The following MCF2L variants were observed in gnomAD, a reference collection of about 807,000 sequenced individuals.
MCF2L encodes the protein MCF.2 cell line derived transforming sequence like.
A neutral mutation model predicts 153.4 loss-of-function variants in MCF2L; 97 were observed. The ratio of observed to expected loss-of-function variants is 0.63; its 90% CI spans 0.54 to 0.75. The LOEUF is 0.75. Among genes scored for constraint, MCF2L ranks in the 30% least tolerant of loss-of-function variants. The probability of loss-of-function intolerance (pLI) is 0.00; values close to 1 mark genes in which losing one functional copy is unlikely to be tolerated. For synonymous variants in MCF2L, 659 were observed against 632.2 expected (o/e 1.04, Z -0.64); for missense variants, 1,347 against 1,495.2 (o/e 0.90, Z 1.64).
At position 113,087,282 on chromosome 13, in the gene MCF2L, C is replaced by T. The variant is rs1400636175; in HGVS notation, c.2421C>T (p.Ser807=). 4 of 1,612,956 alleles carry T rather than the reference C, an allele frequency of 2.5e-6. No individual in the cohort carries two copies. The highest frequency in any genetic ancestry group is 2.5e-6 in the Non-Finnish European group (3 of 1,180,026). The change falls in exon 22 of 30, where the codon AGC becomes AGT. Residue 807 remains serine (S), a synonymous_variant. Coordinates refer to ENST00000535094, the MANE Select transcript of MCF2L (RefSeq NM_001112732.3). ...AGCTGCTGATGCAGGGCTCGTTCAG[C>T]GTCTGGACCGACCACAAGAGGGGCC... ...LGKLLMQGSF[S]VWTDHKRGHT...
At position 112,960,312 on chromosome 13, in the gene MCF2L, G is replaced by A. The variant is rs917621574; in HGVS notation, c.170-54451G>A. Among the ~76,000 whole-genome samples the A allele has an allele frequency of 6.6e-6, 1 of 152,172 alleles. No individual in the cohort carries two copies. On this transcript the variant is annotated intron_variant, in intron 2 of 29. Coordinates refer to the MCF2L transcript ENST00000375608. The surrounding 1 kb of genome is among the most constrained non-coding windows in gnomAD (Gnocchi z 4.2). ...GGGGGCCAAGCGCGCTCTCACAACT[G>A]AAACAGCGCTCGTCCAGTCATGAGG...
Position 113,096,942 on chromosome 13 carries a change from A to T in MCF2L, c.*83A>T, listed in dbSNP as rs1259396312. On this transcript the variant is annotated 3_prime_UTR_variant, in exon 30 of 30. Transcript: ENST00000535094. ...GCGCGGCCCCCGGACGCCCCGAGGAAGGGGCACCTCACCGCCCCCACCCAG... is the reference window on the plus strand; with the variant it reads ...GCGCGGCCCCCGGACGCCCCGAGGATGGGGCACCTCACCGCCCCCACCCAG... 2.0e-6 allele frequency: 2 copies of T among 1,024,072 alleles called. No homozygotes were observed. The highest frequency in any genetic ancestry group is 1.7e-5 in the African/African-American group (1 of 58,754). 63.4% of individuals were successfully genotyped at this position (1,024,072 alleles called of 1,614,324 possible). A position where few individuals can be genotyped will look rare whatever the true frequency, so the allele number is the denominator to read the frequency against.
Position 113,024,203 on chromosome 13 carries a change from G to T in MCF2L, c.164-441G>T, listed in dbSNP as rs374658805. On this transcript the variant is annotated intron_variant, in intron 2 of 29. Coordinates refer to ENST00000535094, the MANE Select transcript of MCF2L (RefSeq NM_001112732.3). Reference sequence around the variant, plus strand: ...CGATACCCACAAACAGTACAGTTAGGCAGGTTATTAGTGCACATGCATATA... The same window carrying T: ...CGATACCCACAAACAGTACAGTTAGTCAGGTTATTAGTGCACATGCATATA... Among the ~76,000 whole-genome samples the T allele has an allele frequency of 1.5e-4, 23 of 152,314 alleles. No individual in the cohort carries two copies. In the East Asian group the frequency reaches 4.1e-3, roughly 27 times the overall value.
intron 2 of MCF2L, among the ~76,000 whole-genome samples, chr13:113,017,965 C>G (rs775236648): frequency 6.6e-6 from 1 of 152,246 alleles, no homozygotes; most frequent in African/African-American, 2.4e-5. Flanking sequence ...ACTTGCCCTG[C>G]TGATTTCCCC....
intron 1 of MCF2L, among the ~76,000 whole-genome samples, chr13:112,987,139 C>T (rs1344481243): frequency 6.6e-6 from 1 of 152,130 alleles, no homozygotes; most frequent in Non-Finnish European, 1.5e-5. Context: ...TGAAGCCATT[C>T]CTTCACCCGG....
chr13:112,987,170 C>T (rs56958668), intron 1 of MCF2L, among the ~76,000 whole-genome samples: 13,298 of 152,182 alleles, frequency 0.087, 615 homozygotes, highest in East Asian at 0.13. Flanking sequence ...GCAGACAGCA[C>T]GGGCCGCAGG....
rs1303829135 is a variant in MCF2L at position 113,099,695 on chromosome 13, C to T, written c.*2836C>T. ...ATAAAACTGACTAATTTATAGAAAA[C>T]CTAAGAAACTCCATATCAAATAAAA... On this transcript the variant is annotated 3_prime_UTR_variant, in exon 30 of 30. Transcript: ENST00000535094. The T allele has an allele frequency of 1.3e-5, 2 of 151,972 alleles. No homozygotes were observed. The highest frequency in any genetic ancestry group is 2.1e-4 in the South Asian group (1 of 4,812). 9.4% of individuals were successfully genotyped at this position (151,972 alleles called of 1,614,324 possible).
chr13:113,020,918 ATGTGTAG>A (rs1470503609), intron 2 of MCF2L, among the ~76,000 whole-genome samples: 1 of 149,432 alleles, frequency 6.7e-6, no homozygotes, highest in Non-Finnish European at 1.5e-5. Flanking sequence ...ATGTGTGTGT[ATGTGTAG>A]TGTGTATGCA....
Position 113,088,308 on chromosome 13 carries a change from G to A in MCF2L, c.2689-19G>A, listed in dbSNP as rs375996459. ...GGGGCCTGAGTACTCACCTCCTGGC[G>A]TTTCTTTTGGGGAAACAGGCGCCAA... On this transcript the variant is annotated intron_variant, in intron 23 of 29. Coordinates refer to ENST00000535094, the MANE Select transcript of MCF2L (RefSeq NM_001112732.3). 1.7e-5 allele frequency: 27 copies of A among 1,611,332 alleles called. No individual in the cohort carries two copies. The African/African-American group carries it at 2.1e-4, about 13-fold the overall frequency.
Position 112,943,315 on chromosome 13 carries a change from G to A in MCF2L, c.169+40944G>A, listed in dbSNP as rs1399286819. Among the ~76,000 whole-genome samples, 1 of 152,192 alleles carries A rather than the reference G, an allele frequency of 6.6e-6. No homozygotes were observed. On this transcript the variant is annotated intron_variant, in intron 2 of 29. Coordinates refer to the MCF2L transcript ENST00000375608. The surrounding 1 kb of genome is among the most constrained non-coding windows in gnomAD (Gnocchi z 4.2). ...CCCACTCCCGAGGCTGTGGTTGGGG[G>A]GTCGCGGTCGAGCTCTAGGGCCCCC...
intron 4 of MCF2L, among the ~76,000 whole-genome samples, chr13:113,055,194 T>C (rs2087648312): frequency 2.6e-5 from 4 of 152,144 alleles, no homozygotes; most frequent in Admixed American, 2.6e-4. Flanking sequence ...ATCTTCCAAT[T>C]TATTCTATTT....
chr13:112,942,288 G>A (rs750982542), intron 2 of MCF2L, among the ~76,000 whole-genome samples: 12 of 152,328 alleles, frequency 7.9e-5, no homozygotes, highest in African/African-American at 1.9e-4. Context: ...AAATAATGGC[G>A]TAAGCTGTCT....
At chr13:113,009,377 A>T (rs1469746571) in intron 1 of MCF2L, 1 of 152,294 alleles carries the variant, frequency 6.6e-6, no homozygotes, top group Non-Finnish European at 1.5e-5. Context: ...TGAAATATTT[A>T]TACCTAACCC....
At chr13:113,037,400 G>A (rs1386532757) in intron 3 of MCF2L, among the ~76,000 whole-genome samples, 1 of 152,320 alleles carries the variant, frequency 6.6e-6, no homozygotes. Context: ...TAGGGACCTT[G>A]GAGAGTTGGT....
intron 1 of MCF2L, among the ~76,000 whole-genome samples, chr13:112,977,164 T>C (rs889271111): frequency 1.3e-5 from 2 of 152,186 alleles, no homozygotes; most frequent in Non-Finnish European, 1.5e-5. Context: ...AATGTAAGAC[T>C]CTTTTACTGC....
intron 1 of MCF2L, among the ~76,000 whole-genome samples, chr13:113,013,340 G>A (rs1160500961): frequency 1.3e-5 from 2 of 152,196 alleles, no homozygotes; most frequent in Non-Finnish European, 2.9e-5. Context: ...CTCTGGGGAA[G>A]GGCCTTGACA....
intron 17 of MCF2L, 27 bp downstream of exon 17, chr13:113,082,569 C>G (rs369830658): frequency 6.8e-7 from 1 of 1,467,518 alleles, no homozygotes; most frequent in African/African-American, 1.4e-5. Flanking sequence ...GACACAGGCA[C>G]GCACCCGTGA....
intron 1 of MCF2L, among the ~76,000 whole-genome samples, chr13:112,980,939 G>A (rs1018107142): frequency 6.6e-6 from 1 of 152,226 alleles, no homozygotes; most frequent in South Asian, 2.1e-4. Flanking sequence ...TGAGCACAGT[G>A]GGGGCTTGGA....
At chr13:113,044,790 A>T (rs1594808111) in intron 3 of MCF2L, 1 of 1,612,930 alleles carries the variant, frequency 6.2e-7, no homozygotes, top group South Asian at 1.1e-5. Context: ...AACCTTCAGA[A>T]GTCTTGGGGA....
Sources: gnomAD v4.1 joint callset for allele counts (sites outside exome capture counted in the v4.1 genomes callset) on GRCh38, gnomAD v4.1.1 for gene constraint, Gnocchi (gnomAD v3.1) non-coding constraint, MANE v1.5 for transcripts, NCBI Gene and HGNC (gene_info 2026-07-23, HGNC 2026-07-21) for gene names.